Variants in MYH16 observed in about 807,000 individuals in gnomAD.
MYH16 encodes the protein myosin heavy chain 16.
intron 12 of MYH16, chr7:99,260,614 A>T (rs560536387): frequency 4.1e-6 from 1 of 244,090 alleles, no homozygotes; most frequent in South Asian, 5.6e-5. Context: ...AGATGGGAAC[A>T]TTGAGGCACA....
At chr7:99,310,140 G>A (rs562244549), downstream of MYH16, among the ~76,000 whole-genome samples, 4 of 152,296 alleles carry the variant, frequency 2.6e-5, no homozygotes, top group African/African-American at 7.2e-5. Context: ...GAGGAGAGAA[G>A]GGAATTCCAG....
chr7:99,260,521 G>T, intron 12 of MYH16: 2 of 330,408 alleles, frequency 6.1e-6, no homozygotes, highest in African/African-American at 2.1e-5. Flanking sequence ...ACTGTTTGTT[G>T]GGCTATTGCA....
chr7:99,308,155 C>A (rs1486943162), downstream of MYH16, among the ~76,000 whole-genome samples: 2 of 151,718 alleles, frequency 1.3e-5, no homozygotes, highest in African/African-American at 4.8e-5. Context: ...ATTAGCCAGG[C>A]GTGATGGCAC....
intron 6 of MYH16, among the ~76,000 whole-genome samples, chr7:99,251,842 G>A (rs967414193): frequency 3.3e-5 from 5 of 152,028 alleles, no homozygotes; most frequent in African/African-American, 2.4e-5. Context: ...GCATGGCCAT[G>A]CCTGCCTGTA....
intron 23 of MYH16, among the ~76,000 whole-genome samples, chr7:99,281,717 G>C (rs1162120386): frequency 1.3e-5 from 2 of 152,174 alleles, no homozygotes; most frequent in Non-Finnish European, 2.9e-5. Context: ...GCAACAACAG[G>C]CCATGAGTTC....
intron 2 of MYH16, among the ~76,000 whole-genome samples, chr7:99,246,238 AAG>A (rs971177896): frequency 1.7e-4 from 26 of 151,728 alleles, no homozygotes; most frequent in Non-Finnish European, 2.9e-4. Context: ...AGAAAAAAAA[AAG>A]AGAAAGAAAG....
intron 1 of MYH16, among the ~76,000 whole-genome samples, chr7:99,239,248 C>T (rs905346313): frequency 5.9e-5 from 9 of 152,308 alleles, no homozygotes; most frequent in East Asian, 1.9e-4. Context: ...ATAGAGATTC[C>T]GAGACAGATC....
chr7:99,308,499 C>T (rs913073844), downstream of MYH16, among the ~76,000 whole-genome samples: 2 of 151,972 alleles, frequency 1.3e-5, no homozygotes, highest in African/African-American at 4.8e-5. Flanking sequence ...TTCCCATGGA[C>T]AGAAGCAAAA....
At chr7:99,278,464 C>T (rs1480427160) in intron 21 of MYH16, among the ~76,000 whole-genome samples, 2 of 152,188 alleles carry the variant, frequency 1.3e-5, no homozygotes, top group African/African-American at 4.8e-5. Flanking sequence ...TAAACGATGT[C>T]ATTTCTGTAG....
intron 31 of MYH16, among the ~76,000 whole-genome samples, chr7:99,292,008 G>A (rs758422802): frequency 1.2e-4 from 18 of 152,180 alleles, no homozygotes; most frequent in Non-Finnish European, 2.4e-4. Flanking sequence ...GAAAGTTACA[G>A]ATTATGAAGA....
rs571326527 is a variant in MYH16 at position 99,293,013 on chromosome 7, A to G, written n.4149+505A>G. Among the ~76,000 whole-genome samples, 3 of 151,670 alleles carry G rather than the reference A, an allele frequency of 2.0e-5. No individual in the cohort carries two copies. The East Asian group carries it at 5.8e-4, about 29-fold the overall frequency. On this transcript the variant is annotated intron_variant and non_coding_transcript_variant, in intron 32 of 41. Transcript: ENST00000439784. ...GACACCTGAGGAAATAAGGGGGGAC[A>G]TGAAAGTGGCTCTGGGCCTCTCTCT...
intron 26 of MYH16, 22 bp downstream of exon 8, chr7:99,284,957 A>G (rs1331775854): frequency 2.2e-6 from 1 of 456,388 alleles, no homozygotes; most frequent in Non-Finnish European, 4.4e-6. Context: ...ACCGAGAAGC[A>G]TGAGCTCTCT....
intron 19 of MYH16, among the ~76,000 whole-genome samples, chr7:99,272,314 G>A (rs1166953233): frequency 6.6e-6 from 1 of 152,182 alleles, no homozygotes; most frequent in Non-Finnish European, 1.5e-5. Context: ...TGTGGAAACT[G>A]AGGTCTGAGA....
At chr7:99,311,124 A>G (rs1792755158), downstream of MYH16, 2 of 152,202 alleles carry the variant, frequency 1.3e-5, no homozygotes, top group Admixed American at 6.5e-5. Context: ...CATTAAAAAA[A>G]TAGACCAACT....
chr7:99,308,596 T>G (rs950350735), downstream of MYH16, among the ~76,000 whole-genome samples: 2 of 152,178 alleles, frequency 1.3e-5, no homozygotes, highest in African/African-American at 4.8e-5. Context: ...CAGTGTCACC[T>G]ACGACATTCT....
rs139013673 is a variant in MYH16 at position 99,298,874 on chromosome 7, G to A, written n.4741-592G>A. On this transcript the variant is annotated intron_variant and non_coding_transcript_variant, in intron 36 of 41. Transcript: ENST00000439784. The stretch of plus-strand genomic sequence containing the variant: ...GCTGGTGCGCTGCACCCACTAACTC[G>A]TCATCTAGCATTAGGTAGTCTTGTC... Among the ~76,000 whole-genome samples the A allele has an allele frequency of 5.5e-3, 831 of 151,542 alleles. 9 individuals carry two copies. Among genetic ancestry groups the A allele is most frequent in the African/African-American group, 0.019 (792 of 41,318 alleles).
chr7:99,278,602 C>G lies in MYH16; in HGVS notation n.2659+890C>G, dbSNP rs147727287. On this transcript the variant is annotated intron_variant and non_coding_transcript_variant, in intron 21 of 41. Transcript: ENST00000439784. ...TAAGACACTCGATTTTCACGTGCAT[C>G]GTACAGGGTAGAAAACTCAGTTTGG... Among the ~76,000 whole-genome samples the G allele has an allele frequency of 5.3e-3, 805 of 152,272 alleles. 7 individuals carry two copies. The highest frequency in any genetic ancestry group is 0.017 in the African/African-American group (691 of 41,552).
In MYH16 at chr7:99,302,327, C is replaced by T. The variant is rs1161800522; in HGVS notation, n.5137+523C>T. Among the ~76,000 whole-genome samples, 12 of 138,280 alleles carry T rather than the reference C, an allele frequency of 8.7e-5. 1 individual carries two copies. Among genetic ancestry groups the T allele is most frequent in the African/African-American group, 3.0e-4 (10 of 33,546 alleles). The allele number at this position is 138,280 out of a possible 152,430, so 90.7% of individuals were successfully genotyped here. ...AAAAAAAAAAATATATACACACACA[C>T]ACACACACACACACACACACACACA... is the stretch of plus-strand genomic sequence containing the variant. On this transcript the variant is annotated intron_variant and non_coding_transcript_variant, in intron 38 of 41. Transcript: ENST00000439784.
chr7:99,297,491 TATA>T (rs1792518488), intron 34 of MYH16, among the ~76,000 whole-genome samples, 166 bp from the exon 16 acceptor site: 1 of 151,776 alleles, frequency 6.6e-6, no homozygotes, highest in Non-Finnish European at 1.5e-5. Context: ...CTACCCTCCT[TATA>T]AGGTTGTCAT....
Sources: gnomAD v4.1 joint callset for allele counts (sites outside exome capture counted in the v4.1 genomes callset) on GRCh38, gnomAD v4.1.1 for gene constraint, MANE v1.5 for transcripts, NCBI Gene and HGNC (gene_info 2026-07-23, HGNC 2026-07-21) for gene names.